ITPR2: variants seen among roughly 807,000 people sequenced by gnomAD.
ITPR2 encodes inositol 1,4,5-trisphosphate-gated calcium channel ITPR2.
Under a neutral mutation model 317.1 loss-of-function variants are expected in ITPR2, and 207 were observed. The observed-to-expected ratio is 0.65, with a 90% confidence interval of 0.58 to 0.73. The LOEUF is 0.73. ITPR2 is among the 30% of genes least tolerant of loss of function. The probability of loss-of-function intolerance (pLI) is 0.00; values close to 1 mark genes in which losing one functional copy is unlikely to be tolerated. For synonymous variants in ITPR2, 1,156 were observed against 1,149.1 expected (o/e 1.01, Z -0.12); for missense variants, 2,613 against 3,284.0 (o/e 0.80, Z 4.99).
rs1265413215 is a variant in ITPR2 at position 26,659,226 on chromosome 12, T to A, written c.1773A>T (p.Ala591=). ...GCAACAAAGCTGTGATAGTATCTTC[T>A]GCCAAAATATCATAGCCAATCTGGG... ...MQSQIGYDIL[A]EDTITALLHN... Residue 591 remains alanine (A), a synonymous_variant, in exon 16 of 57, where the codon GCA becomes GCT. Transcript: ENST00000381340. 6 of 1,613,660 alleles carry A rather than the reference T, an allele frequency of 3.7e-6. No individual in the cohort carries two copies. The East Asian group carries it at 1.3e-4, about 36-fold the overall frequency.
At chr12:26,556,498 C>A (rs942496381) in intron 35 of ITPR2, 123 bp from the exon 36 acceptor site, 1 of 876,026 alleles carries the variant, frequency 1.1e-6, no homozygotes, top group South Asian at 1.9e-5. Flanking sequence ...TCCATAGCAG[C>A]AAATGTCTGT....
At chr12:26,776,249 A>G (rs1415806334) in intron 2 of ITPR2, among the ~76,000 whole-genome samples, 1 of 152,110 alleles carries the variant, frequency 6.6e-6, no homozygotes, top group Non-Finnish European at 1.5e-5. Context: ...GACTCTATAT[A>G]TAATACCTTT....
intron 26 of ITPR2, among the ~76,000 whole-genome samples, chr12:26,610,772 C>A (rs1946244727): frequency 2.0e-5 from 3 of 152,206 alleles, no homozygotes; most frequent in Non-Finnish European, 4.4e-5. Context: ...TAGCATCCCT[C>A]ATGCCCAGTG....
At chr12:26,367,212 T>A (rs1939040088) in intron 55 of ITPR2, among the ~76,000 whole-genome samples, 1 of 143,830 alleles carries the variant, frequency 7.0e-6, no homozygotes. Context: ...AAAGACTTTA[T>A]GATGTAAAAA....
intron 2 of ITPR2, among the ~76,000 whole-genome samples, chr12:26,766,512 A>G (rs1006398235): frequency 6.6e-6 from 1 of 152,126 alleles, no homozygotes; most frequent in African/African-American, 2.4e-5. Context: ...TATATTCTAG[A>G]TTCAAGTCCC....
intron 1 of ITPR2, among the ~76,000 whole-genome samples, chr12:26,804,460 C>A (rs1184219124): frequency 6.6e-6 from 1 of 152,004 alleles, no homozygotes; most frequent in Non-Finnish European, 1.5e-5. Flanking sequence ...GTGAGTAAGT[C>A]CTTACCCGAA....
intron 2 of ITPR2, among the ~76,000 whole-genome samples, chr12:26,776,037 A>G (rs1426635548): frequency 6.6e-6 from 1 of 151,176 alleles, no homozygotes; most frequent in Non-Finnish European, 1.5e-5. Flanking sequence ...GGAACAGAAT[A>G]TTAAGGATGG....
chr12:26,807,603 C>T (rs985497414), intron 1 of ITPR2, among the ~76,000 whole-genome samples: 1 of 152,194 alleles, frequency 6.6e-6, no homozygotes, highest in Non-Finnish European at 1.5e-5. Flanking sequence ...CTATAATGCT[C>T]TCCTAGTTGT....
Position 26,460,698 on chromosome 12 carries a change from T to C in ITPR2, c.6342+14598A>G, listed in dbSNP as rs577352066. The stretch of plus-strand genomic sequence containing the variant: ...TACGGTAAAAAGCAATTGCAGGCCC[T>C]ACTCCAGATATTCTCAGAGTCTCTG... On this transcript the variant is annotated intron_variant, in intron 45 of 56. Transcript: ENST00000381340. 9.9e-5 allele frequency among the ~76,000 whole-genome samples: 15 copies of C among 152,260 alleles called. No homozygotes were observed. The South Asian group carries it at 3.1e-3, about 32-fold the overall frequency.
At chr12:26,738,384 G>C (rs925333034) in intron 2 of ITPR2, among the ~76,000 whole-genome samples, 1 of 151,960 alleles carries the variant, frequency 6.6e-6, no homozygotes. Flanking sequence ...CATGAGAAGT[G>C]GGGAACAGAG....
Position 26,722,386 on chromosome 12 carries a change from A to G in ITPR2, c.525+11T>C, listed in dbSNP as rs763878144. 4.4e-6 allele frequency: 7 copies of G among 1,604,152 alleles called. No individual in the cohort carries two copies. The highest frequency in any genetic ancestry group is 3.4e-5 in the South Asian group (3 of 89,138). Reference sequence around the variant, plus strand: ...AACCCACTATTTCCCTCTTAATTGTATATTACATACATTGTCACCCTCGCT... The same window carrying G: ...AACCCACTATTTCCCTCTTAATTGTGTATTACATACATTGTCACCCTCGCT... On this transcript the variant is annotated intron_variant, in intron 5 of 56. Coordinates refer to ENST00000381340, the MANE Select transcript of ITPR2 (RefSeq NM_002223.4).
intron 45 of ITPR2, among the ~76,000 whole-genome samples, chr12:26,464,667 G>A (rs531392288): frequency 1.3e-5 from 2 of 152,202 alleles, no homozygotes; most frequent in Non-Finnish European, 2.9e-5. Flanking sequence ...TATGCACTGG[G>A]TGACATTCAT....
At chr12:26,747,836 T>A (rs2137096966) in intron 2 of ITPR2, among the ~76,000 whole-genome samples, 1 of 152,334 alleles carries the variant, frequency 6.6e-6, no homozygotes. Context: ...CTCACGTCAT[T>A]ATTTCATTAA....
intron 8 of ITPR2, 25 bp from the exon 9 acceptor site, chr12:26,711,293 T>G: frequency 6.7e-7 from 1 of 1,495,928 alleles, no homozygotes; most frequent in African/African-American, 1.4e-5. Flanking sequence ...ACGATAGTAA[T>G]GGCAAAACAA....
chr12:26,430,313 G>A (rs770543892), intron 48 of ITPR2, among the ~76,000 whole-genome samples: 1 of 152,214 alleles, frequency 6.6e-6, no homozygotes, highest in African/African-American at 2.4e-5. Flanking sequence ...ACCCAGGCTG[G>A]AGTGCAGTGG....
At chr12:26,669,716 C>A (rs189033718) in intron 13 of ITPR2, among the ~76,000 whole-genome samples, 3,062 of 150,486 alleles carry the variant, frequency 0.02, 50 homozygotes, top group South Asian at 0.06. Context: ...GGGTGCAGCG[C>A]ACCATGCGCG....
chr12:26,423,725 T>C (rs1400413416), intron 49 of ITPR2, among the ~76,000 whole-genome samples: 2 of 152,172 alleles, frequency 1.3e-5, no homozygotes, highest in African/African-American at 4.8e-5. Context: ...AATAATATAT[T>C]AATTTCTATT....
At chr12:26,371,358 A>G (rs1339471996) in intron 55 of ITPR2, among the ~76,000 whole-genome samples, 1 of 152,226 alleles carries the variant, frequency 6.6e-6, no homozygotes, top group Non-Finnish European at 1.5e-5. Context: ...CATTTACTCA[A>G]TAAATATTTA....
At chr12:26,770,328 C>T (rs1949816991) in intron 2 of ITPR2, among the ~76,000 whole-genome samples, 1 of 152,172 alleles carries the variant, frequency 6.6e-6, no homozygotes, top group African/African-American at 2.4e-5. Flanking sequence ...TCTGGGTCGA[C>T]TGAGCTTCTA....
Sources: gnomAD v4.1 joint callset for allele counts (sites outside exome capture counted in the v4.1 genomes callset) on GRCh38, gnomAD v4.1.1 for gene constraint, MANE v1.5 for transcripts, NCBI Gene and HGNC (gene_info 2026-07-23, HGNC 2026-07-21) for gene names.